APBB2: variants seen among roughly 807,000 people sequenced by gnomAD.
The protein encoded by APBB2 is amyloid beta precursor protein binding family B member 2, also known as Fe65-like 1.
A neutral mutation model predicts 82.5 loss-of-function variants in APBB2; 38 were observed. That is an observed-to-expected ratio of 0.46 (90% confidence interval 0.36 to 0.60). The LOEUF is 0.60. Ranked by LOEUF, APBB2 falls within the 20% of genes least tolerant of loss-of-function variation. The pLI is 0.00. For missense variants in APBB2, 772 were observed against 972.3 expected, an observed-to-expected ratio of 0.79 and a Z score of 2.74; for synonymous variants, 341 against 368.2, an observed-to-expected ratio of 0.93 and a Z score of 0.85.
At chr4:41,133,759 G>A (rs1756752532) in intron 2 of APBB2, among the ~76,000 whole-genome samples, 1 of 152,138 alleles carries the variant, frequency 6.6e-6, no homozygotes. Flanking sequence ...TCTCCCCACT[G>A]AAAAATTCTA....
chr4:41,011,498 T>C (rs1427614928), intron 6 of APBB2, among the ~76,000 whole-genome samples: 1 of 152,060 alleles, frequency 6.6e-6, no homozygotes, highest in Non-Finnish European at 1.5e-5. Flanking sequence ...TGGCGGGATC[T>C]TGGCTCACTG....
chr4:41,201,973 G>GGTCT (rs1241591216), intron 1 of APBB2, among the ~76,000 whole-genome samples: 1 of 152,156 alleles, frequency 6.6e-6, no homozygotes, highest in African/African-American at 2.4e-5. Context: ...CAGCTCCTGG[G>GGTCT]GTCTGTGACT....
rs1411758259 is a variant in APBB2 at position 40,815,174 on chromosome 4, T to G, written c.*918A>C. Reference sequence around the variant, plus strand: ...CAATGATATTTCCTCAACTTCAAATTGCATATCAGCTAATTCTCAAACTAA... The same window carrying G: ...CAATGATATTTCCTCAACTTCAAATGGCATATCAGCTAATTCTCAAACTAA... On this transcript the variant is annotated 3_prime_UTR_variant, in exon 18 of 18. Coordinates refer to ENST00000508593, the MANE Select transcript of APBB2 (RefSeq NM_004307.2). 1 of 152,596 alleles carries G rather than the reference T, an allele frequency of 6.6e-6. No individual in the cohort carries two copies. Among genetic ancestry groups the G allele is most frequent in the Non-Finnish European group, 1.5e-5 (1 of 68,030 alleles). The allele number at this position is 152,596 out of a possible 1,614,324, so 9.5% of individuals were successfully genotyped here. A position where few individuals can be genotyped will look rare whatever the true frequency, so the allele number is the denominator to read the frequency against.
At chr4:40,920,788 T>C (rs984684667) in intron 10 of APBB2, among the ~76,000 whole-genome samples, 3 of 152,136 alleles carry the variant, frequency 2.0e-5, no homozygotes, top group Non-Finnish European at 2.9e-5. Flanking sequence ...GGAGAATCAC[T>C]TGAATCTGGG....
At chr4:41,160,582 A>G (rs1199915067) in intron 1 of APBB2, among the ~76,000 whole-genome samples, 1 of 152,126 alleles carries the variant, frequency 6.6e-6, no homozygotes, top group East Asian at 1.9e-4. Flanking sequence ...CAGCGACTCA[A>G]TCCATCAGCC....
chr4:41,158,591 C>T (rs570360998), intron 1 of APBB2, among the ~76,000 whole-genome samples: 17 of 152,284 alleles, frequency 1.1e-4, no homozygotes, highest in African/African-American at 3.8e-4. Flanking sequence ...TGGTTGAAAG[C>T]AAGTCCCAAC....
chr4:41,114,415 A>G (rs1750257995), intron 2 of APBB2, among the ~76,000 whole-genome samples: 1 of 150,440 alleles, frequency 6.6e-6, no homozygotes, highest in Admixed American at 6.6e-5. Flanking sequence ...CTGGCACAAG[A>G]CAAGGATGCC....
chr4:40,892,413 C>T (rs1046278806), intron 11 of APBB2: 22 of 152,334 alleles, frequency 1.4e-4, no homozygotes, highest in African/African-American at 5.3e-4. Flanking sequence ...TTCAGCTCCA[C>T]TTTAAGGAGA....
chr4:41,015,424 A>T (rs1809631609), intron 5 of APBB2, among the ~76,000 whole-genome samples: 1 of 152,200 alleles, frequency 6.6e-6, no homozygotes, highest in Non-Finnish European at 1.5e-5. Flanking sequence ...TCAGCAGCAG[A>T]TGAACCAAAG....
intron 6 of APBB2, among the ~76,000 whole-genome samples, chr4:40,971,736 T>C (rs1364444000): frequency 1.3e-5 from 2 of 152,228 alleles, no homozygotes; most frequent in Non-Finnish European, 2.9e-5. Context: ...ACCTATCATA[T>C]ATCCCCTTCT....
chr4:40,934,526 A>G lies in APBB2; in HGVS notation c.1194-10T>C, dbSNP rs1362824963. The G allele has an allele frequency of 3.1e-6, 5 of 1,614,038 alleles. No homozygotes were observed. The highest frequency in any genetic ancestry group is 2.5e-6 in the Non-Finnish European group (3 of 1,180,006). On this transcript the variant is annotated splice_polypyrimidine_tract_variant and intron_variant, in intron 9 of 17. Coordinates refer to ENST00000508593, the MANE Select transcript of APBB2 (RefSeq NM_004307.2). ...AGGGTGTGGGGCATTTCTAGGCAGA[A>G]AAACAGAAAAGTGGACTTAGAATTC... is the stretch of plus-strand genomic sequence containing the variant.
intron 6 of APBB2, among the ~76,000 whole-genome samples, chr4:40,965,256 T>C (rs766277812): frequency 5.9e-5 from 9 of 152,162 alleles, no homozygotes; most frequent in Non-Finnish European, 1.2e-4. Flanking sequence ...GGGATGAAAA[T>C]ATATCACGAA....
intron 12 of APBB2, among the ~76,000 whole-genome samples, chr4:40,843,412 G>A (rs544196840): frequency 1.4e-5 from 2 of 148,142 alleles, no homozygotes; most frequent in African/African-American, 5.0e-5. Flanking sequence ...TGGCACACTA[G>A]TAAGTGGAGC....
intron 10 of APBB2, among the ~76,000 whole-genome samples, chr4:40,894,605 T>A (rs1773139618): frequency 6.6e-6 from 1 of 152,246 alleles, no homozygotes; most frequent in South Asian, 2.1e-4. Flanking sequence ...GACGAGGGAA[T>A]CTTTAAATGC....
chr4:40,916,356 T>G (rs1414708130), intron 10 of APBB2, among the ~76,000 whole-genome samples: 1 of 152,194 alleles, frequency 6.6e-6, no homozygotes, highest in Non-Finnish European at 1.5e-5. Context: ...TGCTCCCTTG[T>G]GGCTTCTGCT....
chr4:41,095,568 T>G (rs1743205269), intron 3 of APBB2, among the ~76,000 whole-genome samples: 1 of 152,208 alleles, frequency 6.6e-6, no homozygotes, highest in African/African-American at 2.4e-5. Context: ...TACCTATTAC[T>G]TTTAAAACAA....
chr4:41,151,940 A>C (rs1308246546), intron 1 of APBB2, among the ~76,000 whole-genome samples: 1 of 152,124 alleles, frequency 6.6e-6, no homozygotes, highest in Non-Finnish European at 1.5e-5. Context: ...TAGATCTTCA[A>C]ATAGTACTCC....
chr4:41,001,709 C>G (rs1805288841), intron 6 of APBB2, among the ~76,000 whole-genome samples: 1 of 152,028 alleles, frequency 6.6e-6, no homozygotes, highest in Non-Finnish European at 1.5e-5. Context: ...GAAACTCTGC[C>G]TCTACTAAAA....
intron 10 of APBB2, among the ~76,000 whole-genome samples, chr4:40,901,508 T>G (rs1241554130): frequency 1.3e-5 from 2 of 151,830 alleles, no homozygotes; most frequent in Admixed American, 6.5e-5. Flanking sequence ...CAGGGTTTTT[T>G]TTGTTGTTGT....
Sources: allele counts gnomAD v4.1 joint callset (sites outside exome capture counted in the v4.1 genomes callset), GRCh38; gene constraint gnomAD v4.1.1; transcripts MANE v1.5; gene names NCBI Gene and HGNC (gene_info 2026-07-23, HGNC 2026-07-21).